The following ETS1 variants were observed in gnomAD, a reference collection of about 807,000 sequenced individuals.
ETS1 encodes the protein protein C-ets-1.
In ETS1, 15 loss-of-function variants were observed where a neutral mutation model predicts 58.6. The ratio of observed to expected loss-of-function variants is 0.26; its 90% CI spans 0.17 to 0.39. The LOEUF (loss-of-function observed/expected upper bound fraction) is 0.39, where lower values mean the gene tolerates loss of function less well. Among genes scored for constraint, ETS1 ranks in the 10% least tolerant of loss-of-function variants. The pLI is 1.00. For missense variants in ETS1, 417 were observed against 610.5 expected (o/e 0.68, Z 3.34); for synonymous variants, 214 against 218.2 (o/e 0.98, Z 0.17).
intron 1 of ETS1, among the ~76,000 whole-genome samples, chr11:128,587,170 CAAAAAAA>C (rs5795624): frequency 7.2e-6 from 1 of 139,258 alleles, no homozygotes; most frequent in Non-Finnish European, 1.6e-5. Context: ...CTCCAATTTG[CAAAAAAA>C]AAAAAAAAAA....
At chr11:128,568,593 T>C (rs1298691647) in intron 2 of ETS1, among the ~76,000 whole-genome samples, 1 of 152,192 alleles carries the variant, frequency 6.6e-6, no homozygotes, top group African/African-American at 2.4e-5. Flanking sequence ...TCATTCATTA[T>C]GGCCTCCTGA....
intron 1 of ETS1, among the ~76,000 whole-genome samples, chr11:128,581,661 A>G (rs1159477887): frequency 1.3e-5 from 2 of 152,224 alleles, no homozygotes; most frequent in Non-Finnish European, 2.9e-5. Flanking sequence ...TTCCAAGTCA[A>G]ATGCAAAGAA....
rs957876161 is a variant in ETS1, at chr11:128,480,107, G to C, written c.1123+84C>G. ...CAAAAGGGAGTCTCTCGTCGTCTCT[G>C]GTCAGAGGTGCAGAGTGCCTTCCAG... On this transcript the variant is annotated intron_variant, in intron 8 of 9. Transcript: ENST00000392668. 3.2e-6 allele frequency: 5 copies of C among 1,556,158 alleles called. No individual in the cohort carries two copies. In the African/African-American group the frequency reaches 6.8e-5, roughly 21 times the overall value.
At chr11:128,466,592 G>A (rs977027644) in intron 8 of ETS1, among the ~76,000 whole-genome samples, 1 of 152,128 alleles carries the variant, frequency 6.6e-6, no homozygotes, top group Admixed American at 6.5e-5. Flanking sequence ...TAGATGCCCT[G>A]CCCTGCCCTT....
chr11:128,532,111 C>T (rs1345854599), intron 3 of ETS1, among the ~76,000 whole-genome samples: 2 of 152,178 alleles, frequency 1.3e-5, no homozygotes, highest in Admixed American at 6.5e-5. Context: ...AAACCTAAAC[C>T]TCTATCTATC....
At chr11:128,567,173 C>T (rs1864520616) in intron 2 of ETS1, among the ~76,000 whole-genome samples, 1 of 152,226 alleles carries the variant, frequency 6.6e-6, no homozygotes, top group African/African-American at 2.4e-5. Flanking sequence ...GGACTACCCT[C>T]TATGCTGGTA....
chr11:128,520,177 G>A (rs994588765), intron 3 of ETS1, among the ~76,000 whole-genome samples: 2 of 152,162 alleles, frequency 1.3e-5, no homozygotes, highest in African/African-American at 4.8e-5. Flanking sequence ...CTTGCCCAGA[G>A]CTTATTTTTA....
At chr11:128,506,601 G>C (rs1010546993) in intron 3 of ETS1, among the ~76,000 whole-genome samples, 3 of 152,168 alleles carry the variant, frequency 2.0e-5, no homozygotes, top group Non-Finnish European at 2.9e-5. Context: ...GACAGAAGGC[G>C]GGCAAGGTGT....
chr11:128,574,935 A>G (rs1284154061), intron 1 of ETS1, among the ~76,000 whole-genome samples: 2 of 152,204 alleles, frequency 1.3e-5, no homozygotes, highest in African/African-American at 2.4e-5. Flanking sequence ...AGGGTCCTGC[A>G]GGGCAACTAA....
rs1289022993 is a variant in ETS1, at chr11:128,465,943, C to G, written c.1124-2316G>C. ...CGGGACTGGAACCCATGCAGCCCAT[C>G]CCCAGGTTCTTCATCTCAATGCTAC... is the stretch of plus-strand genomic sequence containing the variant. On this transcript the variant is annotated intron_variant, in intron 8 of 9. Transcript: ENST00000392668. 3.3e-5 allele frequency among the ~76,000 whole-genome samples: 5 copies of G among 152,344 alleles called. No individual in the cohort carries two copies. In the East Asian group the frequency reaches 9.6e-4, roughly 29 times the overall value.
At chr11:128,504,460 T>C (rs1029870570) in intron 3 of ETS1, among the ~76,000 whole-genome samples, 2 of 152,242 alleles carry the variant, frequency 1.3e-5, no homozygotes, top group African/African-American at 4.8e-5. Context: ...ATGTTCTCTT[T>C]CCTTGCAACC....
intron 1 of ETS1, among the ~76,000 whole-genome samples, chr11:128,577,387 C>T (rs933565206): frequency 6.6e-6 from 1 of 152,154 alleles, no homozygotes; most frequent in Non-Finnish European, 1.5e-5. Flanking sequence ...TGAATAGCAG[C>T]GCCTTTCTCC....
At chr11:128,513,679 T>C (rs547813403) in intron 3 of ETS1, among the ~76,000 whole-genome samples, 240 of 152,332 alleles carry the variant, frequency 1.6e-3, no homozygotes, top group African/African-American at 5.4e-3. Context: ...AATGTGTAGG[T>C]ACTAGAAGTA....
intron 3 of ETS1, among the ~76,000 whole-genome samples, chr11:128,512,270 A>G (rs1003348935): frequency 3.3e-5 from 5 of 152,238 alleles, no homozygotes; most frequent in Admixed American, 6.5e-5. Flanking sequence ...TTTGCGCCCA[A>G]TAACTATCAG....
At chr11:128,545,720 C>T (rs1316732506) in intron 3 of ETS1, among the ~76,000 whole-genome samples, 1 of 152,140 alleles carries the variant, frequency 6.6e-6, no homozygotes, top group Non-Finnish European at 1.5e-5. Context: ...TTTTAATTTA[C>T]AATTGATCAG....
chr11:128,492,507 G>GT (rs1159321470), intron 3 of ETS1, among the ~76,000 whole-genome samples: 1 of 152,044 alleles, frequency 6.6e-6, no homozygotes, highest in Non-Finnish European at 1.5e-5. Context: ...CCAGGGAGTG[G>GT]TAAGTTTGGG....
chr11:128,531,791 T>C (rs936462274), intron 3 of ETS1, among the ~76,000 whole-genome samples: 1 of 152,194 alleles, frequency 6.6e-6, no homozygotes, highest in Non-Finnish European at 1.5e-5. Flanking sequence ...CTAAACAAAA[T>C]AAGACCTTCT....
chr11:128,575,376 G>A (rs1047049476), intron 1 of ETS1, among the ~76,000 whole-genome samples: 1 of 152,098 alleles, frequency 6.6e-6, no homozygotes, highest in African/African-American at 2.4e-5. Context: ...CTTGGTTGAC[G>A]GAGAGTAACT....
chr11:128,574,826 A>T (rs1864709714), intron 1 of ETS1, among the ~76,000 whole-genome samples: 1 of 152,170 alleles, frequency 6.6e-6, no homozygotes. Context: ...CTACTTTGAG[A>T]TCTTTGGTTG....
Sources: allele counts gnomAD v4.1 joint callset (sites outside exome capture counted in the v4.1 genomes callset), GRCh38; gene constraint gnomAD v4.1.1; transcripts MANE v1.5; gene names NCBI Gene and HGNC (gene_info 2026-07-23, HGNC 2026-07-21).